RBFOX1: variants seen among roughly 807,000 people sequenced by gnomAD.
The protein encoded by RBFOX1 is RNA binding fox-1 homolog 1, also known as RNA binding protein fox-1 homolog 1.
A neutral mutation model predicts 57.7 loss-of-function variants in RBFOX1; 8 were observed. The ratio of observed to expected loss-of-function variants is 0.14; its 90% CI spans 0.08 to 0.25. The LOEUF is 0.25. Among genes scored for constraint, RBFOX1 ranks in the 10% least tolerant of loss-of-function variants. RBFOX1 has a pLI of 1.00. For synonymous variants in RBFOX1, 326 were observed against 222.4 expected (o/e 1.47, Z -4.15); for missense variants, 611 against 548.5 (o/e 1.11, Z -1.14).
chr16:6,565,887 C>T (rs987508869), intron 2 of RBFOX1, among the ~76,000 whole-genome samples: 1 of 152,188 alleles, frequency 6.6e-6, no homozygotes, highest in Admixed American at 6.5e-5. Flanking sequence ...ACACATAACC[C>T]CCAATATCCA....
intron 1 of RBFOX1, among the ~76,000 whole-genome samples, chr16:6,313,592 G>A (rs776843070): frequency 1.8e-4 from 28 of 152,188 alleles, no homozygotes; most frequent in Non-Finnish European, 4.0e-4. Flanking sequence ...CATCCATTTG[G>A]ATGGAGTGCA....
At chr16:5,882,201 C>T (rs1208815276) in intron 4 of RBFOX1, among the ~76,000 whole-genome samples, 2 of 152,246 alleles carry the variant, frequency 1.3e-5, no homozygotes, top group East Asian at 1.9e-4. Context: ...CCTTGTTTTC[C>T]ACTTTGTTTA....
Position 7,607,309 on chromosome 16 carries a change from G to C in RBFOX1, c.647G>C (p.Gly216Ala). 1 of 1,610,416 alleles carries C rather than the reference G, an allele frequency of 6.2e-7. No individual in the cohort carries two copies. The highest frequency in any genetic ancestry group is 1.1e-5 in the South Asian group (1 of 89,776). Residue 216 changes from glycine (G) to alanine (A), a missense_variant, in exon 10 of 16, where the codon GGT becomes GCT. Gly to Ala is a moderately conservative substitution (Grantham distance 60). Coordinates refer to ENST00000550418, the MANE Select transcript of RBFOX1 (RefSeq NM_018723.4). ...TNGWKLNPVV[G>A]AVYSPEFYAG... ...GGCTGGAAATTGAATCCAGTTGTGG[G>C]TGCAGTCTACAGTCCCGAATTCTAT...
intron 4 of RBFOX1, among the ~76,000 whole-genome samples, chr16:7,256,385 C>T (rs1463099209): frequency 6.6e-6 from 1 of 152,180 alleles, no homozygotes; most frequent in African/African-American, 2.4e-5. Context: ...CATTTTCAAT[C>T]TCTTTGAAAG....
intron 1 of RBFOX1, among the ~76,000 whole-genome samples, chr16:6,273,042 C>T (rs1279377714): frequency 6.6e-6 from 1 of 151,832 alleles, no homozygotes; most frequent in Non-Finnish European, 1.5e-5. Flanking sequence ...GGTGAGTCAC[C>T]CGAGGTCAGG....
intron 1 of RBFOX1, among the ~76,000 whole-genome samples, chr16:5,444,546 C>T (rs76347110): frequency 3.3e-5 from 5 of 152,126 alleles, no homozygotes; most frequent in African/African-American, 4.8e-5. Flanking sequence ...CGCCACCGAT[C>T]GGCTGTAACC....
chr16:6,431,356 T>C (rs1742367200), intron 2 of RBFOX1, among the ~76,000 whole-genome samples: 2 of 151,924 alleles, frequency 1.3e-5, no homozygotes, highest in East Asian at 3.9e-4. Context: ...AGAGGAAATA[T>C]GGAAAGAAAA....
Position 6,087,294 on chromosome 16 carries a change from G to T in RBFOX1, c.-127+67302G>T, listed in dbSNP as rs536270319. Among the ~76,000 whole-genome samples, 29 of 152,208 alleles carry T rather than the reference G, an allele frequency of 1.9e-4. No individual in the cohort carries two copies. The East Asian group carries it at 4.4e-3, about 23-fold the overall frequency. ...ACATGATCTGTCTGTCCAGAGTTTT[G>T]TGCCTTCGAGCACACATGTGCATGC... On this transcript the variant is annotated intron_variant, in intron 1 of 15. Transcript: ENST00000550418.
At position 6,219,363 on chromosome 16, in the gene RBFOX1, C is replaced by G. The variant is rs148385705; in HGVS notation, c.-126-97632C>G. On this transcript the variant is annotated intron_variant, in intron 1 of 15. Transcript: ENST00000550418. ...CTGCGGTCACCAGGGCCCAGCTACT[C>G]TGGAGGTCCAGGAGGTCGAGGCTGC... Among the ~76,000 whole-genome samples the G allele has an allele frequency of 8.5e-5, 13 of 152,300 alleles. No homozygotes were observed. In the East Asian group the frequency reaches 2.5e-3, roughly 29 times the overall value.
chr16:6,887,068 T>C (rs7498287), intron 3 of RBFOX1, among the ~76,000 whole-genome samples: 18 of 151,890 alleles, frequency 1.2e-4, no homozygotes, highest in Admixed American at 1.2e-3. Flanking sequence ...ATTGTCCAAG[T>C]TGGATTTTCC....
In RBFOX1 at chr16:6,742,812, G is replaced by C. The variant is rs186298062; in HGVS notation, c.-16+88162G>C. Among the ~76,000 whole-genome samples, 250 of 152,256 alleles carry C rather than the reference G, an allele frequency of 1.6e-3. 1 individual carries two copies. The highest frequency in any genetic ancestry group is 3.0e-3 in the Non-Finnish European group (204 of 68,004). On this transcript the variant is annotated intron_variant, in intron 3 of 15. Transcript: ENST00000550418. ...GAAGTATAAAGATTTGGACATAGTT[G>C]CCAGTATGGTGGGAGAAAAAAAGAT...
intron 3 of RBFOX1, among the ~76,000 whole-genome samples, chr16:7,049,653 T>G (rs941977231): frequency 2.6e-5 from 4 of 152,060 alleles, no homozygotes; most frequent in Non-Finnish European, 5.9e-5. Flanking sequence ...ATTCACCACT[T>G]ATGTGGCGGT....
At chr16:5,594,808 T>C (rs979014914) in intron 2 of RBFOX1, among the ~76,000 whole-genome samples, 1 of 151,932 alleles carries the variant, frequency 6.6e-6, no homozygotes, top group Admixed American at 6.6e-5. Context: ...TTTATTTTAC[T>C]TTTACATGTC....
chr16:6,996,008 A>G (rs1004305118), intron 3 of RBFOX1, among the ~76,000 whole-genome samples: 7 of 152,208 alleles, frequency 4.6e-5, no homozygotes, highest in Admixed American at 4.6e-4. Context: ...ATAGCATACA[A>G]ATCTAAACTT....
At chr16:7,623,915 G>A (rs181988286) in intron 10 of RBFOX1, among the ~76,000 whole-genome samples, 2 of 152,204 alleles carry the variant, frequency 1.3e-5, no homozygotes, top group East Asian at 1.9e-4. Context: ...CTTAATTACA[G>A]CTTTAAAGAT....
At chr16:7,338,783 G>T (rs1257773796) in intron 4 of RBFOX1, among the ~76,000 whole-genome samples, 2 of 152,162 alleles carry the variant, frequency 1.3e-5, no homozygotes, top group Non-Finnish European at 2.9e-5. Context: ...AATCTATAAA[G>T]AACTTACAAG....
chr16:7,691,711 C>G (rs973726301), intron 14 of RBFOX1, among the ~76,000 whole-genome samples: 4 of 152,108 alleles, frequency 2.6e-5, no homozygotes, highest in African/African-American at 9.7e-5. Context: ...TTCCTGATGT[C>G]TAGCACATTG....
intron 3 of RBFOX1, among the ~76,000 whole-genome samples, chr16:5,816,361 A>C (rs2151793225): frequency 6.6e-6 from 1 of 152,272 alleles, no homozygotes; most frequent in East Asian, 1.9e-4. Context: ...TTACTGTCTG[A>C]AGCAGCACCT....
At chr16:5,453,026 A>G (rs1307308277) in intron 1 of RBFOX1, among the ~76,000 whole-genome samples, 3 of 152,124 alleles carry the variant, frequency 2.0e-5, no homozygotes, top group East Asian at 3.9e-4. Flanking sequence ...TCCTCCTGCT[A>G]TTGGGACTCT....
Sources: gnomAD v4.1 joint callset for allele counts (sites outside exome capture counted in the v4.1 genomes callset) on GRCh38, gnomAD v4.1.1 for gene constraint, MANE v1.5 for transcripts, NCBI Gene and HGNC (gene_info 2026-07-23, HGNC 2026-07-21) for gene names.